Variants in NRXN1 observed in about 807,000 individuals in gnomAD.
NRXN1 encodes neurexin-1.
In NRXN1, 39 loss-of-function variants were observed where a neutral mutation model predicts 150.9. The observed-to-expected ratio is 0.26, with a 90% confidence interval of 0.20 to 0.34. The LOEUF is 0.34. NRXN1 is among the 10% of genes least tolerant of loss of function. The pLI, the probability that NRXN1 is intolerant of heterozygous loss-of-function variation, is 1.00. For missense variants in NRXN1, 1,815 were observed against 1,949.9 expected, an observed-to-expected ratio of 0.93 and a Z score of 1.30; for synonymous variants, 924 against 757.0, an observed-to-expected ratio of 1.22 and a Z score of -3.62.
chr2:50,602,925 G>C (rs574220094), intron 8 of NRXN1, among the ~76,000 whole-genome samples: 97 of 152,296 alleles, frequency 6.4e-4, no homozygotes, highest in African/African-American at 9.4e-4. Context: ...AGCAGAGCTA[G>C]AACAGAAGAC....
rs1173678607 is a variant in NRXN1, at chr2:49,950,878, C to G, written c.4129-7087G>C. ...ATACCCCTTAAAACAGCCACTTTCACATTTCTTTAATGTTCTTTCCCAATT... is the reference window on the plus strand; with the variant it reads ...ATACCCCTTAAAACAGCCACTTTCAGATTTCTTTAATGTTCTTTCCCAATT... On this transcript the variant is annotated intron_variant, in intron 21 of 22. Transcript: ENST00000401669. 3.3e-5 allele frequency among the ~76,000 whole-genome samples: 5 copies of G among 151,972 alleles called. No individual in the cohort carries two copies. In the East Asian group the frequency reaches 7.7e-4, roughly 23 times the overall value.
chr2:50,949,152 C>G (rs1218351382), intron 2 of NRXN1, among the ~76,000 whole-genome samples: 1 of 151,946 alleles, frequency 6.6e-6, no homozygotes, highest in Non-Finnish European at 1.5e-5. Flanking sequence ...ACTATTTTGT[C>G]CAATTCACTT....
chr2:50,470,702 G>A (rs1461456294), intron 16 of NRXN1, among the ~76,000 whole-genome samples: 1 of 151,654 alleles, frequency 6.6e-6, no homozygotes, highest in Non-Finnish European at 1.5e-5. Context: ...GGCCCAAACT[G>A]TGTTCAGTAT....
chr2:50,926,173 T>C (rs1686851373), intron 2 of NRXN1, among the ~76,000 whole-genome samples: 1 of 151,940 alleles, frequency 6.6e-6, no homozygotes, highest in Non-Finnish European at 1.5e-5. Flanking sequence ...TTCATAATAC[T>C]GCCATGCCCT....
At chr2:50,687,822 C>T (rs1263157996) in intron 5 of NRXN1, among the ~76,000 whole-genome samples, 9 of 152,214 alleles carry the variant, frequency 5.9e-5, no homozygotes, top group Non-Finnish European at 1.2e-4. Context: ...TTGACAAACA[C>T]GGGCAAGAGA....
At chr2:50,258,868 T>C (rs535341000) in intron 17 of NRXN1, among the ~76,000 whole-genome samples, 1 of 152,176 alleles carries the variant, frequency 6.6e-6, no homozygotes, top group Non-Finnish European at 1.5e-5. Flanking sequence ...GACAGGTGCA[T>C]TGTCAATGAG....
At chr2:50,310,245 G>C (rs1379790750) in intron 17 of NRXN1, among the ~76,000 whole-genome samples, 4 of 152,178 alleles carry the variant, frequency 2.6e-5, no homozygotes, top group Admixed American at 2.6e-4. Flanking sequence ...TCTTGGATAA[G>C]TTAACTGACC....
intron 13 of NRXN1, among the ~76,000 whole-genome samples, chr2:50,505,247 G>A (rs1463568155): frequency 2.0e-5 from 3 of 151,916 alleles, no homozygotes; most frequent in Admixed American, 6.6e-5. Context: ...AAAAATAAAC[G>A]TAGGTTCTCT....
chr2:50,635,164 TC>T (rs1390049132), intron 5 of NRXN1, among the ~76,000 whole-genome samples: 1 of 142,628 alleles, frequency 7.0e-6, no homozygotes, highest in East Asian at 2.0e-4. Flanking sequence ...ATTAAATTCT[TC>T]TTTTTTTTTT....
At chr2:50,131,975 CGTGT>C (rs1705574790) in intron 18 of NRXN1, among the ~76,000 whole-genome samples, 1 of 152,036 alleles carries the variant, frequency 6.6e-6, no homozygotes, top group Non-Finnish European at 1.5e-5. Context: ...TGAGTGTGTG[CGTGT>C]GTATGTGTGT....
At chr2:50,688,629 A>G (rs972256165) in intron 5 of NRXN1, among the ~76,000 whole-genome samples, 31 of 152,202 alleles carry the variant, frequency 2.0e-4, no homozygotes, top group African/African-American at 7.2e-4. Flanking sequence ...GATGAAAGCA[A>G]TAGGAGATAG....
At chr2:50,075,152 T>C (rs1696890284) in intron 19 of NRXN1, among the ~76,000 whole-genome samples, 1 of 152,196 alleles carries the variant, frequency 6.6e-6, no homozygotes, top group East Asian at 1.9e-4. Flanking sequence ...GACTCCAAAA[T>C]GTAAAATATC....
intron 5 of NRXN1, chr2:50,841,137 T>C (rs1672806891): frequency 6.6e-6 from 1 of 152,590 alleles, no homozygotes; most frequent in Non-Finnish European, 1.5e-5. Context: ...ATGAATGAGC[T>C]ACATTACCTA....
intron 17 of NRXN1, among the ~76,000 whole-genome samples, chr2:50,241,739 T>A (rs888905264): frequency 3.3e-5 from 5 of 151,860 alleles, no homozygotes; most frequent in African/African-American, 1.2e-4. Context: ...GGGAATATTT[T>A]TAGATCTTAT....
At chr2:49,953,378 C>T (rs1169629669) in intron 21 of NRXN1, among the ~76,000 whole-genome samples, 2 of 152,038 alleles carry the variant, frequency 1.3e-5, no homozygotes, top group Non-Finnish European at 2.9e-5. Context: ...ACAATGTTAT[C>T]TTGTTCATGT....
chr2:50,531,885 C>T (rs1372331435), intron 10 of NRXN1, among the ~76,000 whole-genome samples: 2 of 151,896 alleles, frequency 1.3e-5, no homozygotes, highest in African/African-American at 4.8e-5. Context: ...GGTCTGTATC[C>T]CCTAGGCTGG....
At chr2:50,002,189 T>C (rs1684066345) in intron 21 of NRXN1, among the ~76,000 whole-genome samples, 1 of 152,082 alleles carries the variant, frequency 6.6e-6, no homozygotes, top group Non-Finnish European at 1.5e-5. Context: ...ACATGAACTG[T>C]GAGATAACAA....
chr2:50,169,455 T>C (rs1419711372), intron 18 of NRXN1, among the ~76,000 whole-genome samples: 1 of 151,892 alleles, frequency 6.6e-6, no homozygotes, highest in Non-Finnish European at 1.5e-5. Flanking sequence ...TGGCTCATGC[T>C]AGTAATCCCA....
At chr2:50,979,885 T>C (rs1696515503) in intron 2 of NRXN1, among the ~76,000 whole-genome samples, 1 of 152,156 alleles carries the variant, frequency 6.6e-6, no homozygotes, top group African/African-American at 2.4e-5. Context: ...TTCAAACATC[T>C]GTTTGTTCTA....
Sources: gnomAD v4.1 joint callset for allele counts (sites outside exome capture counted in the v4.1 genomes callset) on GRCh38, gnomAD v4.1.1 for gene constraint, MANE v1.5 for transcripts, NCBI Gene and HGNC (gene_info 2026-07-23, HGNC 2026-07-21) for gene names.